Variants in INSYN2B observed in about 807,000 individuals in gnomAD.
The protein encoded by INSYN2B is inhibitory synaptic factor family member 2B, also known as protein INSYN2B.
In INSYN2B, 16 loss-of-function variants were observed where a neutral mutation model predicts 41.2. The ratio of observed to expected loss-of-function variants is 0.39; its 90% CI spans 0.26 to 0.59. The LOEUF (loss-of-function observed/expected upper bound fraction) is 0.59. INSYN2B is among the 20% of genes least tolerant of loss of function. The probability of loss-of-function intolerance (pLI) is 0.57; values close to 1 mark genes in which losing one functional copy is unlikely to be tolerated. For synonymous variants in INSYN2B, 245 were observed against 244.4 expected, an observed-to-expected ratio of 1.00 and a Z score of -0.02; for missense variants, 608 against 646.4, an observed-to-expected ratio of 0.94 and a Z score of 0.64.
At chr5:169,872,802 C>T (rs1341435988) in intron 3 of INSYN2B, among the ~76,000 whole-genome samples, 4 of 152,178 alleles carry the variant, frequency 2.6e-5, no homozygotes, top group Non-Finnish European at 5.9e-5. Flanking sequence ...AGCCCTGGCT[C>T]CCTGGGATCT....
At chr5:169,902,813 G>T (rs1774004211) in intron 1 of INSYN2B, among the ~76,000 whole-genome samples, 2 of 152,172 alleles carry the variant, frequency 1.3e-5, no homozygotes, top group Non-Finnish European at 2.9e-5. Flanking sequence ...AAAAGAAAGG[G>T]GTGAGGCCAG....
intron 1 of INSYN2B, among the ~76,000 whole-genome samples, chr5:169,978,259 G>A (rs960048890): frequency 4.6e-5 from 7 of 151,866 alleles, no homozygotes; most frequent in African/African-American, 1.7e-4. Context: ...AGGGTTGCAT[G>A]GGCAGGCAGC....
chr5:169,883,341 G>A lies in INSYN2B; in HGVS notation c.558C>T (p.Cys186=), dbSNP rs1271914364. The change falls in exon 2 of 4, where the codon TGC becomes TGT. Residue 186 remains cysteine, a synonymous_variant. Transcript: ENST00000377365. ...AGGACCTCCAAGTTCCTGCTTCCAA[G>A]CATATGCTAACAGGACCATTGCTTT... ...KVQSNGPVSI[C]LEAGTWRSLE... 5.8e-6 allele frequency: 9 copies of A among 1,551,514 alleles called. No individual in the cohort carries two copies. Among genetic ancestry groups the A allele is most frequent in the Non-Finnish European group, 7.8e-6 (9 of 1,146,938 alleles).
intron 1 of INSYN2B, among the ~76,000 whole-genome samples, chr5:169,954,898 G>A (rs892461215): frequency 3.3e-5 from 5 of 152,196 alleles, no homozygotes; most frequent in Non-Finnish European, 5.9e-5. Flanking sequence ...CCAGGGGAGC[G>A]TGGGTGAAAT....
intron 3 of INSYN2B, among the ~76,000 whole-genome samples, chr5:169,869,518 G>A (rs1377901684): frequency 6.6e-6 from 1 of 152,202 alleles, no homozygotes; most frequent in African/African-American, 2.4e-5. Flanking sequence ...ACTACAGTTT[G>A]GAAGGGAGGA....
rs1476243640 is a variant in INSYN2B at position 169,883,511 on chromosome 5, T to C, written c.388A>G (p.Ser130Gly). 8 of 1,551,518 alleles carry C rather than the reference T, an allele frequency of 5.2e-6. No individual in the cohort carries two copies. The highest frequency in any genetic ancestry group is 7.0e-6 in the Non-Finnish European group (8 of 1,146,942). Reference sequence around the variant, plus strand: ...AGGTTACCGTTGACCTGGATGGCACTTTGGGAGGCTGTTGGCATTTCCACC... The same window carrying C: ...AGGTTACCGTTGACCTGGATGGCACCTTGGGAGGCTGTTGGCATTTCCACC... ...SLVEMPTASQ[S>G]AIQVNGNLSE... Residue 130 changes from serine (S) to glycine (G), a missense_variant, in exon 2 of 4, where the codon AGT becomes GGT. By Grantham distance (56) the Ser-to-Gly change is moderately conservative (BLOSUM62 0). Coordinates refer to ENST00000377365, the MANE Select transcript of INSYN2B (RefSeq NM_001129891.3).
intron 1 of INSYN2B, among the ~76,000 whole-genome samples, chr5:169,975,998 C>A (rs1042781634): frequency 3.3e-5 from 5 of 152,212 alleles, no homozygotes; most frequent in African/African-American, 1.2e-4. Flanking sequence ...AACAAAACTT[C>A]TTTCATTTCT....
intron 1 of INSYN2B, among the ~76,000 whole-genome samples, chr5:169,928,514 G>A (rs1447376168): frequency 1.3e-5 from 2 of 152,190 alleles, no homozygotes; most frequent in Non-Finnish European, 2.9e-5. Context: ...TCCAAGTTAC[G>A]GGAGTAACCT....
At chr5:169,961,978 CAAAA>C (rs70979150) in intron 1 of INSYN2B, among the ~76,000 whole-genome samples, 2 of 74,654 alleles carry the variant, frequency 2.7e-5, no homozygotes, top group Non-Finnish European at 2.4e-5. Context: ...GACTCTGTCC[CAAAA>C]AAAAAAAAAA....
At chr5:169,930,587 A>T (rs1320279136) in intron 1 of INSYN2B, among the ~76,000 whole-genome samples, 1 of 152,252 alleles carries the variant, frequency 6.6e-6, no homozygotes, top group Non-Finnish European at 1.5e-5. Context: ...TTTAAAAATG[A>T]ATGTGGTGGC....
chr5:169,979,116 G>T (rs553454799), intron 1 of INSYN2B, among the ~76,000 whole-genome samples: 1 of 152,170 alleles, frequency 6.6e-6, no homozygotes, highest in Non-Finnish European at 1.5e-5. Context: ...AAAAGAGGGG[G>T]ATTCTTGCTA....
intron 1 of INSYN2B, among the ~76,000 whole-genome samples, chr5:169,952,238 A>G (rs1776691754): frequency 6.6e-6 from 1 of 152,202 alleles, no homozygotes; most frequent in Admixed American, 6.5e-5. Context: ...AGCACTGGGA[A>G]GAGACCTGTT....
At chr5:169,872,426 A>G (rs1772038518) in intron 3 of INSYN2B, among the ~76,000 whole-genome samples, 1 of 152,196 alleles carries the variant, frequency 6.6e-6, no homozygotes. Flanking sequence ...TCTCCTAATG[A>G]CAAGTTTGCT....
At chr5:169,964,306 A>G (rs150178131) in intron 1 of INSYN2B, among the ~76,000 whole-genome samples, 366 of 152,288 alleles carry the variant, frequency 2.4e-3, no homozygotes, top group Admixed American at 8.6e-3. Flanking sequence ...GGCAGTTTCC[A>G]GAAAGTTGCT....
At chr5:169,901,807 C>G in intron 1 of INSYN2B, among the ~76,000 whole-genome samples, 1 of 152,234 alleles carries the variant, frequency 6.6e-6, no homozygotes, top group Non-Finnish European at 1.5e-5. Flanking sequence ...GAGGGGTTTT[C>G]TGGACCCTCA....
At chr5:169,912,384 T>C (rs930138056) in intron 1 of INSYN2B, among the ~76,000 whole-genome samples, 1 of 152,202 alleles carries the variant, frequency 6.6e-6, no homozygotes, top group Non-Finnish European at 1.5e-5. Flanking sequence ...TCATTGTCTA[T>C]TGGCTTTCAG....
chr5:169,887,661 T>C (rs1385543554), intron 1 of INSYN2B, among the ~76,000 whole-genome samples: 1 of 152,268 alleles, frequency 6.6e-6, no homozygotes, highest in African/African-American at 2.4e-5. Context: ...AAATATTTGG[T>C]ATTATTTAAA....
chr5:169,876,560 G>T (rs1275477456), intron 3 of INSYN2B, among the ~76,000 whole-genome samples: 1 of 152,166 alleles, frequency 6.6e-6, no homozygotes, highest in African/African-American at 2.4e-5. Context: ...GAAGAACAAG[G>T]GTTTCAATGT....
rs958482509 is a variant in INSYN2B at position 169,883,443 on chromosome 5, C to T, written c.456G>A (p.Arg152=). Residue 152 remains arginine (R), a synonymous_variant, in exon 2 of 4, where the codon AGG becomes AGA. Coordinates refer to ENST00000377365, the MANE Select transcript of INSYN2B (RefSeq NM_001129891.3). The part of the protein sequence containing the change: ...DIVSSDLAYL[R]LAQHLEDGPR... ...GCCCATCCTCAAGATGCTGAGCCAA[C>T]CTTAAGTAGGCAAGGTCAGAAGACA... is the stretch of plus-strand genomic sequence containing the variant. 1 of 1,551,634 alleles carries T rather than the reference C, an allele frequency of 6.4e-7. No individual in the cohort carries two copies. The highest frequency in any genetic ancestry group is 2.4e-5 in the East Asian group (1 of 40,916).
Sources: allele counts gnomAD v4.1 joint callset (sites outside exome capture counted in the v4.1 genomes callset), GRCh38; gene constraint gnomAD v4.1.1; transcripts MANE v1.5; gene names NCBI Gene and HGNC (gene_info 2026-07-23, HGNC 2026-07-21).